CENPF: variants seen among roughly 807,000 people sequenced by gnomAD.
CENPF encodes centromere protein F, also known as AH antigen.
CENPF carries 214 observed loss-of-function variants against 307.3 expected under a neutral mutation model. The ratio of observed to expected loss-of-function variants is 0.70; its 90% CI spans 0.62 to 0.78. The LOEUF (loss-of-function observed/expected upper bound fraction) is 0.78. CENPF is among the 30% of genes least tolerant of loss of function. The probability of loss-of-function intolerance (pLI) is 0.00; values close to 1 mark genes in which losing one functional copy is unlikely to be tolerated. For synonymous variants in CENPF, 1,259 were observed against 1,270.6 expected (o/e 0.99, Z 0.19); for missense variants, 3,401 against 3,483.9 (o/e 0.98, Z 0.60).
At position 214,647,113 on chromosome 1, in the gene CENPF, C is replaced by G. The variant is rs780292533; in HGVS notation, c.7543C>G (p.Gln2515Glu). The G allele has an allele frequency of 1.9e-6, 3 of 1,613,944 alleles. No homozygotes were observed. The South Asian group carries it at 3.3e-5, about 18-fold the overall frequency. ...CATTCAAGAAGTAGAAGATGGCAAG[C>G]AGAAACTGGAGAAGAAGGATGAAGA... Reference protein sequence around the residue: ...GLIQEVEDGKQKLEKKDEEIS... With the variant: ...GLIQEVEDGKEKLEKKDEEIS... The change falls in exon 13 of 20, where the codon CAG (glutamine) becomes GAG (glutamate). Residue 2515 changes from glutamine to glutamate, a missense_variant. Physicochemically the swap from Gln to Glu is conservative, Grantham distance 29 (BLOSUM62 2). Transcript: ENST00000366955.
At chr1:214,621,273 G>T (rs1657496626) in intron 6 of CENPF, among the ~76,000 whole-genome samples, 1 of 152,182 alleles carries the variant, frequency 6.6e-6, no homozygotes, top group Admixed American at 6.5e-5. Context: ...GGCTCCTTTT[G>T]TGACCCACAG....
In CENPF at chr1:214,642,511, G is replaced by A. The variant is rs768833568; in HGVS notation, c.4173G>A (p.Glu1391=). ...LAPLDESNSY[E]HLTLSDKEVQ... ...CATTGGACGAGAGTAATTCCTACGAGCACTTGACATTGTCAGACAAAGAAG... is the reference window on the plus strand; with the variant it reads ...CATTGGACGAGAGTAATTCCTACGAACACTTGACATTGTCAGACAAAGAAG... Residue 1391 remains glutamate (E), a synonymous_variant, in exon 12 of 20, where the codon GAG becomes GAA. Transcript: ENST00000366955. The A allele has an allele frequency of 6.2e-7, 1 of 1,611,948 alleles. No homozygotes were observed. Among genetic ancestry groups the A allele is most frequent in the East Asian group, 2.2e-5 (1 of 44,850 alleles).
At chr1:214,628,109 C>T (rs1473156430) in intron 7 of CENPF, among the ~76,000 whole-genome samples, 2 of 152,160 alleles carry the variant, frequency 1.3e-5, no homozygotes, top group African/African-American at 4.8e-5. Context: ...TTTTCAAGGA[C>T]TTGAGCTCTG....
Position 214,641,829 on chromosome 1 carries a change from A to G in CENPF, c.3491A>G (p.His1164Arg). 6.2e-7 allele frequency: 1 copy of G among 1,609,076 alleles called. No homozygotes were observed. Among genetic ancestry groups the G allele is most frequent in the South Asian group, 1.1e-5 (1 of 89,428 alleles). The stretch of plus-strand genomic sequence containing the variant: ...CTGATGAAGGTAATGAAGACTAAAC[A>G]TGAATGTCAAAATCTAGAATCAGAA... ...EQLMKVMKTK[H>R]ECQNLESEPI... The change falls in exon 12 of 20, where the codon CAT becomes CGT. Residue 1164 changes from histidine to arginine, a missense_variant. His to Arg is a conservative substitution (Grantham distance 29). Transcript: ENST00000366955.
intron 7 of CENPF, among the ~76,000 whole-genome samples, chr1:214,625,237 C>T (rs34721280): frequency 0.36 from 55,323 of 151,704 alleles, 12,685 homozygotes; most frequent in Non-Finnish European, 0.53. Context: ...TTTTTTGAGA[C>T]GGAGTCTGGC....
intron 11 of CENPF, 107 bp from the exon 12 acceptor site, chr1:214,639,814 G>A (rs945455666): frequency 4.3e-5 from 27 of 628,132 alleles, no homozygotes; most frequent in Non-Finnish European, 6.5e-5. Context: ...GGCTTGAGTA[G>A]TTGTTAGTTT....
intron 5 of CENPF, among the ~76,000 whole-genome samples, chr1:214,619,723 C>G (rs909525948): frequency 2.0e-5 from 3 of 152,124 alleles, no homozygotes; most frequent in African/African-American, 7.2e-5. Context: ...ATTCAGCAAG[C>G]CATTTAAGGC....
At chr1:214,614,421 C>CCT (rs1657281304) in intron 2 of CENPF, among the ~76,000 whole-genome samples, 1 of 152,136 alleles carries the variant, frequency 6.6e-6, no homozygotes, top group Admixed American at 6.5e-5. Flanking sequence ...TTAAAAATTA[C>CCT]CTCTCTATTA....
In CENPF at chr1:214,643,089, T is replaced by C; in HGVS notation, c.4751T>C (p.Leu1584Pro). 8 of 1,608,838 alleles carry C rather than the reference T, an allele frequency of 5.0e-6. No homozygotes were observed. The highest frequency in any genetic ancestry group is 6.8e-6 in the Non-Finnish European group (8 of 1,178,706). ...ATGAAAAATAAGGAAATTCAAGAGC[T>C]CGAGCAGTTATTAAGTTCTGAAAGG... is the stretch of plus-strand genomic sequence containing the variant. ...GIMKNKEIQELEQLLSSERQE... is the reference protein window; with the variant it reads ...GIMKNKEIQEPEQLLSSERQE... Residue 1584 changes from leucine to proline, a missense_variant, in exon 12 of 20, where the codon CTC becomes CCC. Physicochemically the swap from Leu to Pro is moderately conservative, Grantham distance 98 (BLOSUM62 -3). Coordinates refer to ENST00000366955, the MANE Select transcript of CENPF (RefSeq NM_016343.4).
intron 7 of CENPF, among the ~76,000 whole-genome samples, chr1:214,626,423 A>C (rs1173512438): frequency 1.3e-5 from 2 of 152,200 alleles, no homozygotes; most frequent in Non-Finnish European, 2.9e-5. Flanking sequence ...AATCAGGTTC[A>C]TTTTTATATA....
chr1:214,645,945 AGTTCGCAT>A lies in CENPF; in HGVS notation c.6376_6383del (p.Val2126Ter). 1 of 1,614,190 alleles carries A rather than the reference AGTTCGCAT, an allele frequency of 6.2e-7. No individual in the cohort carries two copies. ...TGAGAAGAGGCATCGAGAAACTGAG[AGTTCGCAT>A]TGAGGCCGATGAAAAGAAGCAGCTG... is the stretch of plus-strand genomic sequence containing the variant. On this transcript the variant is annotated frameshift_variant, in exon 13 of 20. Coordinates refer to ENST00000366955, the MANE Select transcript of CENPF (RefSeq NM_016343.4). LOFTEE classifies it high-confidence loss of function.
intron 10 of CENPF, among the ~76,000 whole-genome samples, chr1:214,633,547 A>G (rs1340973897): frequency 6.6e-6 from 1 of 152,234 alleles, no homozygotes; most frequent in Non-Finnish European, 1.5e-5. Context: ...AGATTAAGAA[A>G]ACTTTGTCCA....
At chr1:214,617,805 T>G (rs1364241539) in intron 3 of CENPF, among the ~76,000 whole-genome samples, 2 of 152,212 alleles carry the variant, frequency 1.3e-5, no homozygotes, top group African/African-American at 4.8e-5. Context: ...CTTCCCATGT[T>G]TCTGAAGTTC....
rs147553456 is a variant in CENPF at position 214,618,320 on chromosome 1, A to G, written c.360-253A>G. ...ATTATAGATCTTCCTTATAGCCTTT[A>G]TAACATTGTACTTACTGGTTTATGT... On this transcript the variant is annotated intron_variant, in intron 3 of 19. Transcript: ENST00000366955. Among the ~76,000 whole-genome samples the G allele has an allele frequency of 1.2e-4, 19 of 152,312 alleles. No homozygotes were observed. The East Asian group carries it at 3.5e-3, about 28-fold the overall frequency.
Position 214,647,287 on chromosome 1 carries a change from CAAT to C in CENPF, c.7718_7720del (p.Gln2573_Ser2574delinsPro), listed in dbSNP as rs1434123239. 5.6e-6 allele frequency: 9 copies of C among 1,613,932 alleles called. No homozygotes were observed. In the African/African-American group the frequency reaches 1.2e-4, roughly 22 times the overall value. On this transcript the variant is annotated inframe_deletion, in exon 13 of 20. Transcript: ENST00000366955. Reference sequence around the variant, plus strand: ...ATTGGAGCAGAAGATCCAAGTGCTACAATCCAAAAATGCCTCTTTGCAGGACAC... The same window carrying C: ...ATTGGAGCAGAAGATCCAAGTGCTACCCAAAAATGCCTCTTTGCAGGACAC...
chr1:214,631,126 C>G (rs147672849), intron 9 of CENPF, among the ~76,000 whole-genome samples: 2 of 152,250 alleles, frequency 1.3e-5, no homozygotes, highest in African/African-American at 4.8e-5. Context: ...ACAGTCCACT[C>G]ACATGTCTAA....
chr1:214,637,932 C>T lies in CENPF; in HGVS notation c.1513C>T (p.Leu505=). 4 of 1,613,556 alleles carry T rather than the reference C, an allele frequency of 2.5e-6. No homozygotes were observed. Among genetic ancestry groups the T allele is most frequent in the Non-Finnish European group, 3.4e-6 (4 of 1,179,876 alleles). Residue 505 remains leucine, a synonymous_variant, in exon 11 of 20, where the codon CTG becomes TTG. Coordinates refer to ENST00000366955, the MANE Select transcript of CENPF (RefSeq NM_016343.4). ...SEQKAREVCH[L]EAELKNIKQC... ...GCAAAAGGCCAGAGAAGTCTGCCAC[C>T]TGGAGGCAGAACTCAAGAACATCAA...
At chr1:214,618,424 G>T in intron 3 of CENPF, 149 bp from the exon 4 acceptor site, 2 of 957,728 alleles carry the variant, frequency 2.1e-6, no homozygotes, top group Non-Finnish European at 1.6e-6. Context: ...TAGACCTTAT[G>T]AAATGCCTGT....
intron 10 of CENPF, among the ~76,000 whole-genome samples, chr1:214,636,107 A>G (rs1298211871): frequency 1.3e-5 from 2 of 152,168 alleles, no homozygotes; most frequent in Non-Finnish European, 2.9e-5. Context: ...TGATCTTAGC[A>G]TTGATTACAG....
Sources: gnomAD v4.1 joint callset for allele counts (sites outside exome capture counted in the v4.1 genomes callset) on GRCh38, gnomAD v4.1.1 for gene constraint, MANE v1.5 for transcripts, NCBI Gene and HGNC (gene_info 2026-07-23, HGNC 2026-07-21) for gene names.